Variants in ROBO1 observed in about 807,000 individuals in gnomAD.
ROBO1 encodes roundabout guidance receptor 1.
In ROBO1, 149 loss-of-function variants were observed where a neutral mutation model predicts 195.9. That is an observed-to-expected ratio of 0.76 (90% CI 0.67 to 0.87). The LOEUF is 0.87. ROBO1 is among the 40% of genes least tolerant of loss of function. The pLI is 0.00. For synonymous variants in ROBO1, 816 were observed against 733.2 expected (o/e 1.11, Z -1.82); for missense variants, 1,933 against 2,068.3 (o/e 0.93, Z 1.27).
At chr3:78,963,471 G>C in intron 3 of ROBO1, among the ~76,000 whole-genome samples, 1 of 121,450 alleles carries the variant, frequency 8.2e-6, no homozygotes, top group Middle Eastern at 5.3e-3. Context: ...TTTTTAGAGA[G>C]AAGATCCAGA....
chr3:78,799,971 C>T (rs1481336185), intron 4 of ROBO1, among the ~76,000 whole-genome samples: 1 of 152,106 alleles, frequency 6.6e-6, no homozygotes, highest in Non-Finnish European at 1.5e-5. Context: ...AGCCTGAAAG[C>T]TTGGGGCAAC....
At chr3:79,405,912 G>T (rs1029861883) in intron 2 of ROBO1, among the ~76,000 whole-genome samples, 1 of 152,030 alleles carries the variant, frequency 6.6e-6, no homozygotes, top group Non-Finnish European at 1.5e-5. Flanking sequence ...TAAAGAAGAG[G>T]AAAAAACTGT....
intron 1 of ROBO1, among the ~76,000 whole-genome samples, chr3:79,634,838 C>T (rs2108041596): frequency 6.6e-6 from 1 of 152,168 alleles, no homozygotes; most frequent in African/African-American, 2.4e-5. Flanking sequence ...TATAATTTAA[C>T]CATGTTTTGT....
intron 4 of ROBO1, among the ~76,000 whole-genome samples, chr3:78,824,372 A>G (rs990266312): frequency 1.3e-5 from 2 of 152,134 alleles, no homozygotes; most frequent in Non-Finnish European, 2.9e-5. Context: ...TTTATTCTTG[A>G]CCCTATTTGA....
At chr3:79,724,220 A>C (rs548635960) in intron 1 of ROBO1, among the ~76,000 whole-genome samples, 1 of 152,314 alleles carries the variant, frequency 6.6e-6, no homozygotes, top group South Asian at 2.1e-4. Context: ...GTAAAGAACA[A>C]CATTGGAATT....
rs770367586 is a variant in ROBO1 at position 78,668,220 on chromosome 3, A to G, written c.1713T>C (p.Asp571=). Residue 571 remains aspartate (D), a synonymous_variant, in exon 13 of 31, where the codon GAT becomes GAC. Transcript: ENST00000464233. ...ATAATGTGACTGTATTTCTGCTGACATCTGTCACTTCAGGTTTTGATGGGG... is the reference window on the plus strand; with the variant it reads ...ATAATGTGACTGTATTTCTGCTGACGTCTGTCACTTCAGGTTTTGATGGGG... ...PSAPSKPEVT[D]VSRNTVTLSW... The G allele has an allele frequency of 6.2e-7, 1 of 1,613,566 alleles. No individual in the cohort carries two copies. Among genetic ancestry groups the G allele is most frequent in the South Asian group, 1.1e-5 (1 of 91,082 alleles).
At chr3:78,976,240 A>G (rs1034963410) in intron 3 of ROBO1, among the ~76,000 whole-genome samples, 1 of 152,206 alleles carries the variant, frequency 6.6e-6, no homozygotes, top group African/African-American at 2.4e-5. Context: ...TCTTCATCCT[A>G]TACTATGCAA....
At chr3:78,930,851 A>C (rs937996845) in intron 4 of ROBO1, among the ~76,000 whole-genome samples, 5 of 152,238 alleles carry the variant, frequency 3.3e-5, no homozygotes. Context: ...CTCAGGTACA[A>C]CATAGGTGAT....
At chr3:79,481,848 TGAAAA>T (rs757792922) in intron 2 of ROBO1, among the ~76,000 whole-genome samples, 160 of 152,198 alleles carry the variant, frequency 1.1e-3, no homozygotes, top group Middle Eastern at 6.8e-3. Context: ...TTTATTAATA[TGAAAA>T]TATGGACACT....
intron 4 of ROBO1, among the ~76,000 whole-genome samples, chr3:78,803,780 G>T (rs2084441672): frequency 6.6e-6 from 1 of 151,894 alleles, no homozygotes; most frequent in Non-Finnish European, 1.5e-5. Context: ...ACAAAGTATA[G>T]CTTCTTTTGA....
chr3:78,908,751 A>G (rs1357112438), intron 4 of ROBO1, among the ~76,000 whole-genome samples: 1 of 151,900 alleles, frequency 6.6e-6, no homozygotes, highest in East Asian at 1.9e-4. Context: ...TCCACAGATG[A>G]AAAGCACACA....
intron 3 of ROBO1, among the ~76,000 whole-genome samples, chr3:79,119,850 A>C (rs2080083547): frequency 6.6e-6 from 1 of 151,890 alleles, no homozygotes; most frequent in Non-Finnish European, 1.5e-5. Context: ...AGCTCACTAC[A>C]ACCTCTACCT....
At chr3:78,766,439 G>A (rs1161061865) in intron 4 of ROBO1, among the ~76,000 whole-genome samples, 1 of 152,106 alleles carries the variant, frequency 6.6e-6, no homozygotes, top group Non-Finnish European at 1.5e-5. Flanking sequence ...GTGTATAGAA[G>A]ACCTACTGAT....
At chr3:79,117,968 A>C (rs984008442) in intron 3 of ROBO1, among the ~76,000 whole-genome samples, 1 of 152,176 alleles carries the variant, frequency 6.6e-6, no homozygotes, top group Non-Finnish European at 1.5e-5. Flanking sequence ...CTTTCTGTGA[A>C]TTGAAAAACT....
At chr3:79,286,016 A>G (rs191715093) in intron 2 of ROBO1, among the ~76,000 whole-genome samples, 105 of 152,320 alleles carry the variant, frequency 6.9e-4, no homozygotes, top group Middle Eastern at 3.4e-3. Context: ...AAATGAATTA[A>G]ATGTGAGCTA....
intron 2 of ROBO1, among the ~76,000 whole-genome samples, chr3:79,278,547 T>C (rs2031248465): frequency 6.6e-6 from 1 of 152,084 alleles, no homozygotes; most frequent in Admixed American, 6.5e-5. Flanking sequence ...AAATCTACAG[T>C]GAACTAATTT....
chr3:79,342,515 AT>A (rs1188317045), intron 2 of ROBO1, among the ~76,000 whole-genome samples: 4 of 152,156 alleles, frequency 2.6e-5, no homozygotes, highest in African/African-American at 9.6e-5. Flanking sequence ...ACATATCAAA[AT>A]TTTTAATGTG....
At chr3:79,292,625 T>C (rs2109031873) in intron 2 of ROBO1, among the ~76,000 whole-genome samples, 1 of 152,328 alleles carries the variant, frequency 6.6e-6, no homozygotes, top group African/African-American at 2.4e-5. Context: ...CTTTATCTAT[T>C]GAGACAAATA....
chr3:78,956,288 T>C (rs1455053518), intron 3 of ROBO1, among the ~76,000 whole-genome samples: 1 of 152,068 alleles, frequency 6.6e-6, no homozygotes, highest in Non-Finnish European at 1.5e-5. Context: ...TATACAACAT[T>C]TAATGCAAAA....
Sources: allele counts gnomAD v4.1 joint callset (sites outside exome capture counted in the v4.1 genomes callset), GRCh38; gene constraint gnomAD v4.1.1; transcripts MANE v1.5; gene names NCBI Gene and HGNC (gene_info 2026-07-23, HGNC 2026-07-21).